The following ZNF93 variants were observed in gnomAD, a reference collection of about 807,000 sequenced individuals.
ZNF93 encodes zinc finger protein 93, also known as zinc finger protein 505.
ZNF93 carries 29 observed loss-of-function variants against 45.0 expected under a neutral mutation model. The observed-to-expected ratio is 0.64, with a 90% CI of 0.48 to 0.88. ZNF93 has a LOEUF of 0.88. Ranked by LOEUF, ZNF93 falls within the 40% of genes least tolerant of loss-of-function variation. ZNF93 has a pLI of 0.00. For missense variants in ZNF93, 578 were observed against 724.0 expected, an observed-to-expected ratio of 0.80 and a Z score of 2.31; for synonymous variants, 223 against 244.6, an observed-to-expected ratio of 0.91 and a Z score of 0.82.
intron 3 of ZNF93, among the ~76,000 whole-genome samples, chr19:19,927,565 A>G (rs1429006229): frequency 6.6e-6 from 1 of 152,226 alleles, no homozygotes; most frequent in Non-Finnish European, 1.5e-5. Context: ...AAGTGGAATC[A>G]TACAGTATCC....
At chr19:19,917,298 A>G (rs955581700) in intron 3 of ZNF93, among the ~76,000 whole-genome samples, 1 of 151,694 alleles carries the variant, frequency 6.6e-6, no homozygotes, top group African/African-American at 2.4e-5. Flanking sequence ...GAATCTGTAG[A>G]TTACTTTGGA....
intron 1 of ZNF93, among the ~76,000 whole-genome samples, chr19:19,911,481 AAGG>A (rs1157351181): frequency 6.6e-6 from 1 of 152,212 alleles, no homozygotes; most frequent in Admixed American, 6.5e-5. Context: ...CTTGGATAAT[AAGG>A]AGAAGATCTG....
intron 3 of ZNF93, among the ~76,000 whole-genome samples, chr19:19,930,370 G>A (rs1483087947): frequency 6.6e-6 from 1 of 152,182 alleles, no homozygotes; most frequent in Admixed American, 6.5e-5. Context: ...AGCATCACAG[G>A]GAGACGGTTA....
In ZNF93 at chr19:19,933,849, A is replaced by T. The variant is rs193094363; in HGVS notation, c.894A>T (p.Ser298=). The T allele has an allele frequency of 7.8e-5, 126 of 1,611,954 alleles. No homozygotes were observed. In the African/African-American group the frequency reaches 1.4e-3, roughly 18 times the overall value. ...EECGKAFNQS[S]TLTKHKKIHT... ...GTGGCAAAGCTTTTAACCAATCCTC[A>T]ACACTTACTAAACATAAGAAAATTC... The change falls in exon 4 of 4, where the codon TCA becomes TCT. Residue 298 remains serine, a synonymous_variant. Coordinates refer to ENST00000343769, the MANE Select transcript of ZNF93 (RefSeq NM_031218.4).
chr19:19,916,573 TA>T lies in ZNF93; in HGVS notation c.146del (p.Lys49SerfsTer4), dbSNP rs1320521299. Reference protein sequence around the residue: ...NLVFLGIVVSKPDLIAHLEQG... With the variant: ...NLVFLGIVVSXPDLIAHLEQG... ...TTAACAAAACAGGTATTGTTGTCTC[TA>T]AGCCAGACCTGATCGCCCATCTGGA... On this transcript the variant is annotated frameshift_variant, in exon 3 of 4. Transcript: ENST00000343769. LOFTEE classifies it high-confidence loss of function. 1 of 1,612,024 alleles carries T rather than the reference TA, an allele frequency of 6.2e-7. No homozygotes were observed. Among genetic ancestry groups the T allele is most frequent in the Non-Finnish European group, 8.5e-7 (1 of 1,179,264 alleles).
At chr19:19,902,921 A>G (rs1315037966) in intron 1 of ZNF93, among the ~76,000 whole-genome samples, 3 of 151,562 alleles carry the variant, frequency 2.0e-5, no homozygotes, top group Admixed American at 6.6e-5. Flanking sequence ...AAATTTTTTT[A>G]ATAGAGACGG....
At chr19:19,902,303 A>T (rs1330464180) in intron 1 of ZNF93, among the ~76,000 whole-genome samples, 1 of 151,856 alleles carries the variant, frequency 6.6e-6, no homozygotes, top group African/African-American at 2.4e-5. Context: ...CTTGTTGCCC[A>T]GGTGGAGTAC....
In ZNF93 at chr19:19,905,396, CTGT is replaced by C. The variant is rs2063289635; in HGVS notation, c.3+4310_3+4312del. Among the ~76,000 whole-genome samples, 4 of 152,160 alleles carry C rather than the reference CTGT, an allele frequency of 2.6e-5. No individual in the cohort carries two copies. The South Asian group carries it at 8.3e-4, about 32-fold the overall frequency. On this transcript the variant is annotated intron_variant, in intron 1 of 3. Coordinates refer to ENST00000343769, the MANE Select transcript of ZNF93 (RefSeq NM_031218.4). ...TCCACCCTCAACTAGGCCTCAGTGT[CTGT>C]TGTTTTTCTCTTTGTGTTTATGGGT...
At chr19:19,919,441 T>G (rs1055695770) in intron 3 of ZNF93, among the ~76,000 whole-genome samples, 1 of 151,032 alleles carries the variant, frequency 6.6e-6, no homozygotes, top group Non-Finnish European at 1.5e-5. Context: ...TGTGGGCTCT[T>G]TTTTGGTTCC....
At position 19,934,713 on chromosome 19, in the gene ZNF93, C is replaced by A; in HGVS notation, c.1758C>A (p.Ile586=). Residue 586 remains isoleucine, a synonymous_variant, in exon 4 of 4, where the codon ATC becomes ATA. Coordinates refer to ENST00000343769, the MANE Select transcript of ZNF93 (RefSeq NM_031218.4). ...HSATLSSHKK[I]HSGEKPYECD... is the part of the protein sequence containing the mutation. ...CAACCCTTTCTTCACATAAGAAAAT[C>A]CATTCTGGAGAGAAACCATACGAGT... The A allele has an allele frequency of 6.2e-7, 1 of 1,612,286 alleles. No individual in the cohort carries two copies. The highest frequency in any genetic ancestry group is 2.2e-5 in the East Asian group (1 of 44,514).
rs190042080 is a variant in ZNF93, at chr19:19,911,182, A to G, written c.4-4098A>G. Among the ~76,000 whole-genome samples, 578 of 152,240 alleles carry G rather than the reference A, an allele frequency of 3.8e-3. 7 individuals are homozygous for G. The highest frequency in any genetic ancestry group is 0.013 in the African/African-American group (546 of 41,536). ...TCAGAATGGGTGATCCAGGTTCTGGAGCTCCACCAGGGCAGTTCCATTTTC... is the reference window on the plus strand; with the variant it reads ...TCAGAATGGGTGATCCAGGTTCTGGGGCTCCACCAGGGCAGTTCCATTTTC... On this transcript the variant is annotated intron_variant, in intron 1 of 3. Coordinates refer to ENST00000343769, the MANE Select transcript of ZNF93 (RefSeq NM_031218.4).
intron 3 of ZNF93, chr19:19,932,694 T>C (rs1296401223): frequency 1.3e-5 from 2 of 152,296 alleles, no homozygotes; most frequent in African/African-American, 4.8e-5. Flanking sequence ...TAGTCTACTT[T>C]TTCACCTTTA....
chr19:19,917,940 C>CTTTCTTTTTT (rs1288834622), intron 3 of ZNF93, among the ~76,000 whole-genome samples: 2 of 126,090 alleles, frequency 1.6e-5, no homozygotes, highest in East Asian at 4.0e-4. Context: ...TTCCTTCCTT[C>CTTTCTTTTTT]TTTCTTTTTT....
intron 3 of ZNF93, among the ~76,000 whole-genome samples, chr19:19,919,525 T>A (rs2063336501): frequency 6.6e-6 from 1 of 152,170 alleles, no homozygotes; most frequent in African/African-American, 2.4e-5. Context: ...TGGCATTGAA[T>A]CTATAAATTA....
At chr19:19,914,567 T>C (rs2063318243) in intron 1 of ZNF93, among the ~76,000 whole-genome samples, 2 of 152,242 alleles carry the variant, frequency 1.3e-5, no homozygotes, top group African/African-American at 4.8e-5. Flanking sequence ...AGTAGCTCTC[T>C]CTCACAGATT....
chr19:19,916,202 G>T (rs1599568885), intron 2 of ZNF93, among the ~76,000 whole-genome samples: 1 of 151,910 alleles, frequency 6.6e-6, no homozygotes. Flanking sequence ...GAGTAGCTGG[G>T]ACTACAGGCA....
intron 1 of ZNF93, chr19:19,907,891 A>G (rs929075942): frequency 6.6e-6 from 1 of 152,246 alleles, no homozygotes; most frequent in Non-Finnish European, 1.5e-5. Flanking sequence ...TGAATCACTT[A>G]AATGGTTATT....
chr19:19,929,400 G>A (rs771973147), intron 3 of ZNF93, among the ~76,000 whole-genome samples: 1 of 152,084 alleles, frequency 6.6e-6, no homozygotes, highest in Non-Finnish European at 1.5e-5. Context: ...TTTTTTACCT[G>A]AATTTTCTAT....
chr19:19,934,011 A>G lies in ZNF93; in HGVS notation c.1056A>G (p.Ala352=), dbSNP rs569415791. The stretch of plus-strand genomic sequence containing the variant: ...ATAAATGTGGCAAAGCCTTTATTGC[A>G]TCCTCAACCCTTAGTAGACATGAGT... ...KCNKCGKAFI[A]SSTLSRHEFI... Residue 352 remains alanine (A), a synonymous_variant, in exon 4 of 4, where the codon GCA becomes GCG. Coordinates refer to ENST00000343769, the MANE Select transcript of ZNF93 (RefSeq NM_031218.4). 5.0e-6 allele frequency: 8 copies of G among 1,612,870 alleles called. No homozygotes were observed. In the Admixed American group the frequency reaches 1.2e-4, roughly 24 times the overall value.
Sources: allele counts gnomAD v4.1 joint callset (sites outside exome capture counted in the v4.1 genomes callset), GRCh38; gene constraint gnomAD v4.1.1; transcripts MANE v1.5; gene names NCBI Gene and HGNC (gene_info 2026-07-23, HGNC 2026-07-21).